The following SPOCK3 variants were observed in gnomAD, a reference collection of about 807,000 sequenced individuals.
The protein encoded by SPOCK3 is testican-3.
SPOCK3 carries 30 observed loss-of-function variants against 56.6 expected under a neutral mutation model. That is an observed-to-expected ratio of 0.53 (90% CI 0.40 to 0.72). The LOEUF (loss-of-function observed/expected upper bound fraction) is 0.72. Among genes scored for constraint, SPOCK3 ranks in the 30% least tolerant of loss-of-function variants. The probability of loss-of-function intolerance (pLI) is 0.00; values close to 1 mark genes in which losing one functional copy is unlikely to be tolerated. For synonymous variants in SPOCK3, 196 were observed against 183.3 expected (o/e 1.07, Z -0.56); for missense variants, 527 against 530.0 (o/e 0.99, Z 0.06).
At chr4:166,857,098 T>G (rs1730767395) in intron 6 of SPOCK3, among the ~76,000 whole-genome samples, 1 of 152,222 alleles carries the variant, frequency 6.6e-6, no homozygotes, top group South Asian at 2.1e-4. Context: ...GACTTCTTGT[T>G]CTGACTCTAC....
intron 2 of SPOCK3, chr4:167,083,174 G>A (rs1218466656): frequency 1.3e-6 from 1 of 764,762 alleles, no homozygotes; most frequent in African/African-American, 1.7e-5. Flanking sequence ...CAGACAAGAT[G>A]TATTGAGATA....
At chr4:167,069,543 G>C (rs34943552) in intron 2 of SPOCK3, among the ~76,000 whole-genome samples, 17,330 of 151,814 alleles carry the variant, frequency 0.11, 1,209 homozygotes, top group South Asian at 0.16. Flanking sequence ...GTTTGTTGCA[G>C]AACAACGACT....
At chr4:166,738,279 C>G (rs969528878) in intron 9 of SPOCK3, among the ~76,000 whole-genome samples, 2 of 151,956 alleles carry the variant, frequency 1.3e-5, no homozygotes, top group East Asian at 3.9e-4. Context: ...ATACTTTCAC[C>G]ACTACATTGT....
intron 2 of SPOCK3, among the ~76,000 whole-genome samples, chr4:167,162,032 A>G (rs1765363150): frequency 6.6e-6 from 1 of 152,068 alleles, no homozygotes; most frequent in Admixed American, 6.6e-5. Flanking sequence ...CTAAAACTTA[A>G]AGTATAATAA....
chr4:166,820,972 C>A (rs1744877567), intron 6 of SPOCK3, among the ~76,000 whole-genome samples: 1 of 151,950 alleles, frequency 6.6e-6, no homozygotes, highest in Non-Finnish European at 1.5e-5. Flanking sequence ...CTAAAAATGT[C>A]TGCACATCAA....
chr4:167,102,249 G>C (rs1468643115), intron 2 of SPOCK3, among the ~76,000 whole-genome samples: 1 of 152,046 alleles, frequency 6.6e-6, no homozygotes, highest in African/African-American at 2.4e-5. Flanking sequence ...AAAGCACAAA[G>C]ATCAGGCCTC....
intron 3 of SPOCK3, among the ~76,000 whole-genome samples, chr4:167,051,746 C>T (rs994759274): frequency 6.6e-6 from 1 of 152,190 alleles, no homozygotes; most frequent in Non-Finnish European, 1.5e-5. Context: ...GCAATCTGGA[C>T]TTTGCAGTGA....
chr4:166,742,234 C>CATCTATCTATCTATCTATCT (rs3077121), intron 8 of SPOCK3, among the ~76,000 whole-genome samples, 175 bp from the exon 9 acceptor site: 2 of 121,878 alleles, frequency 1.6e-5, no homozygotes, highest in African/African-American at 3.7e-5. Context: ...GTCTATCTAT[C>CATCTATCTATCTATCTATCT]ATCTATCTAT....
chr4:166,910,689 A>G (rs1329210974), intron 5 of SPOCK3, among the ~76,000 whole-genome samples: 1 of 152,192 alleles, frequency 6.6e-6, no homozygotes, highest in Non-Finnish European at 1.5e-5. Context: ...AAGAGTCCCA[A>G]AAATGTCAGC....
chr4:166,993,033 CCT>C (rs917357956), intron 4 of SPOCK3, among the ~76,000 whole-genome samples: 1 of 152,098 alleles, frequency 6.6e-6, no homozygotes, highest in Non-Finnish European at 1.5e-5. Context: ...GATTTAAACC[CCT>C]GTTCTCACAG....
At chr4:166,950,054 CATA>C (rs1561045287) in intron 4 of SPOCK3, among the ~76,000 whole-genome samples, 1 of 150,648 alleles carries the variant, frequency 6.6e-6, no homozygotes, top group African/African-American at 2.5e-5. Flanking sequence ...CAGCTAACTT[CATA>C]ATGACAGGAT....
At chr4:167,036,874 G>A (rs1405178456) in intron 3 of SPOCK3, among the ~76,000 whole-genome samples, 2 of 151,890 alleles carry the variant, frequency 1.3e-5, no homozygotes, top group Non-Finnish European at 2.9e-5. Flanking sequence ...AATATTTTGG[G>A]AGATCCATAT....
intron 4 of SPOCK3, among the ~76,000 whole-genome samples, chr4:166,940,596 T>A (rs997309810): frequency 1.3e-5 from 2 of 151,692 alleles, no homozygotes; most frequent in African/African-American, 4.8e-5. Flanking sequence ...ACTGACCCTT[T>A]GCTCATTGTA....
chr4:167,148,261 C>T (rs815227), intron 2 of SPOCK3, among the ~76,000 whole-genome samples: 26,952 of 151,984 alleles, frequency 0.18, 2,563 homozygotes, highest in Middle Eastern at 0.22. Context: ...AGAGATGCCA[C>T]TAATGTCCTA....
At chr4:167,162,844 A>G (rs143157057) in intron 2 of SPOCK3, among the ~76,000 whole-genome samples, 239 of 152,138 alleles carry the variant, frequency 1.6e-3, no homozygotes, top group African/African-American at 5.4e-3. Context: ...TACAATAATC[A>G]TACTAAATTA....
At chr4:166,752,381 A>G (rs1477726651) in intron 8 of SPOCK3, among the ~76,000 whole-genome samples, 1 of 152,062 alleles carries the variant, frequency 6.6e-6, no homozygotes, top group Non-Finnish European at 1.5e-5. Flanking sequence ...ATAATGTGAA[A>G]GTTACTTTTT....
At chr4:167,052,214 A>G (rs968485080) in intron 3 of SPOCK3, among the ~76,000 whole-genome samples, 5 of 152,346 alleles carry the variant, frequency 3.3e-5, no homozygotes, top group African/African-American at 9.6e-5. Flanking sequence ...TGTATAAAGA[A>G]GTAAGAATTG....
At chr4:166,964,220 A>G (rs936339511) in intron 4 of SPOCK3, among the ~76,000 whole-genome samples, 1 of 151,808 alleles carries the variant, frequency 6.6e-6, no homozygotes, top group African/African-American at 2.4e-5. Context: ...CTGAGGTATT[A>G]CTTGTGAATA....
At chr4:166,903,925 T>C (rs1277445465) in intron 5 of SPOCK3, among the ~76,000 whole-genome samples, 1 of 152,054 alleles carries the variant, frequency 6.6e-6, no homozygotes, top group Non-Finnish European at 1.5e-5. Flanking sequence ...CACATTCTAT[T>C]ATTTTATAAT....
Sources: gnomAD v4.1 joint callset for allele counts (sites outside exome capture counted in the v4.1 genomes callset) on GRCh38, gnomAD v4.1.1 for gene constraint, MANE v1.5 for transcripts, NCBI Gene and HGNC (gene_info 2026-07-23, HGNC 2026-07-21) for gene names.